Variants in DNAH5 observed in about 807,000 individuals in gnomAD.
DNAH5 encodes axonemal beta dynein heavy chain 5.
DNAH5 carries 372 observed loss-of-function variants against 518.2 expected under a neutral mutation model. The ratio of observed to expected loss-of-function variants is 0.72; its 90% CI spans 0.66 to 0.78. The LOEUF (loss-of-function observed/expected upper bound fraction) is 0.78, where lower values mean the gene tolerates loss of function less well. Ranked by LOEUF, DNAH5 falls within the 30% of genes least tolerant of loss-of-function variation. The probability of loss-of-function intolerance (pLI) is 0.00; values close to 1 mark genes in which losing one functional copy is unlikely to be tolerated. For missense variants in DNAH5, 5,523 were observed against 5,687.0 expected, an observed-to-expected ratio of 0.97 and a Z score of 0.93; for synonymous variants, 2,039 against 2,025.9, an observed-to-expected ratio of 1.01 and a Z score of -0.17.
At chr5:13,743,569 C>A (rs1748911788) in intron 65 of DNAH5, among the ~76,000 whole-genome samples, 1 of 151,818 alleles carries the variant, frequency 6.6e-6, no homozygotes, top group Non-Finnish European at 1.5e-5. Flanking sequence ...AACTATTTAT[C>A]TAAGAGGGGA....
In DNAH5 at chr5:13,901,390, C is replaced by T. The variant is rs2151962998; in HGVS notation, c.1914G>A (p.Gln638=). 1 of 1,614,130 alleles carries T rather than the reference C, an allele frequency of 6.2e-7. No homozygotes were observed. Among genetic ancestry groups the T allele is most frequent in the Non-Finnish European group, 8.5e-7 (1 of 1,180,020 alleles). Residue 638 remains glutamine (Q), a synonymous_variant, in exon 14 of 79, where the codon CAG becomes CAA. Coordinates refer to ENST00000265104, the MANE Select transcript of DNAH5 (RefSeq NM_001369.3). ...GCTGCTGGAAAAGCTGCATGGGCTG[C>T]TGAATCCTATGGAAGAGCTGGCGGG... ...LWARQLFHRI[Q]QPMQLFQQHP... is the part of the protein sequence containing the mutation.
chr5:13,960,295 G>C (rs1256457735), intron 1 of DNAH5, among the ~76,000 whole-genome samples: 1 of 152,204 alleles, frequency 6.6e-6, no homozygotes, highest in Non-Finnish European at 1.5e-5. Context: ...GAGGTGCACA[G>C]ATGAGTGAAC....
chr5:13,973,376 A>G (rs1782011942), intron 1 of DNAH5, among the ~76,000 whole-genome samples: 3 of 152,226 alleles, frequency 2.0e-5, no homozygotes, highest in South Asian at 2.1e-4. Flanking sequence ...TAGGTCACCA[A>G]GTTTCTTACA....
At chr5:13,732,380 T>G (rs1363675624) in intron 68 of DNAH5, among the ~76,000 whole-genome samples, 1 of 152,048 alleles carries the variant, frequency 6.6e-6, no homozygotes, top group African/African-American at 2.4e-5. Context: ...AGCCCCTTTT[T>G]TTGTGAGAGG....
Position 13,882,945 on chromosome 5 carries a change from G to A in DNAH5, c.3133C>T (p.Pro1045Ser), listed in dbSNP as rs1161427628. ...NKAVECIISV[P>S]KGVRQWSSEL... ...CTGCTCCACTGTCTGACCCCCTTAG[G>A]GACACTGATGATGCACTCCACGGCT... Residue 1045 changes from proline to serine, a missense_variant, in exon 20 of 79, where the codon CCT (proline) becomes TCT (serine). Coordinates refer to ENST00000265104, the MANE Select transcript of DNAH5 (RefSeq NM_001369.3). The A allele has an allele frequency of 1.9e-6, 3 of 1,613,974 alleles. No homozygotes were observed. The African/African-American group carries it at 4.0e-5, about 22-fold the overall frequency.
chr5:13,828,320 A>G (rs993703751), intron 38 of DNAH5, among the ~76,000 whole-genome samples: 4 of 152,218 alleles, frequency 2.6e-5, no homozygotes, highest in Non-Finnish European at 5.9e-5. Flanking sequence ...TGGAACAAAG[A>G]TTATATATGT....
intron 1 of DNAH5, among the ~76,000 whole-genome samples, chr5:14,006,652 G>T (rs999413038): frequency 6.6e-6 from 1 of 152,176 alleles, no homozygotes; most frequent in Non-Finnish European, 1.5e-5. Context: ...AGGTACTGGG[G>T]ATTTAGGAAT....
At chr5:13,926,885 T>G (rs1193003948) in intron 3 of DNAH5, among the ~76,000 whole-genome samples, 2 of 152,232 alleles carry the variant, frequency 1.3e-5, no homozygotes, top group African/African-American at 4.8e-5. Flanking sequence ...CTTCTATCTC[T>G]TGATTTTTCA....
chr5:14,008,966 C>A (rs1238857074), intron 1 of DNAH5, among the ~76,000 whole-genome samples: 1 of 152,200 alleles, frequency 6.6e-6, no homozygotes, highest in African/African-American at 2.4e-5. Flanking sequence ...AAGGACAGGA[C>A]AAACTGATCC....
chr5:13,740,669 A>T lies in DNAH5; in HGVS notation c.11212-3174T>A, dbSNP rs1202409174. ...CTTTGAGACTCACTGTCTTAAACAC[A>T]CAAGGAACTCTCTTGCCTCAGGGCC... On this transcript the variant is annotated intron_variant, in intron 65 of 78. Coordinates refer to ENST00000265104, the MANE Select transcript of DNAH5 (RefSeq NM_001369.3). Among the ~76,000 whole-genome samples, 7 of 152,166 alleles carry T rather than the reference A, an allele frequency of 4.6e-5. No individual in the cohort carries two copies. In the East Asian group the frequency reaches 1.3e-3, roughly 29 times the overall value.
intron 1 of DNAH5, among the ~76,000 whole-genome samples, chr5:13,938,359 C>A (rs965544485): frequency 3.9e-4 from 60 of 152,190 alleles, no homozygotes; most frequent in African/African-American, 1.4e-3. Flanking sequence ...CACCTCACAT[C>A]CACACATGAA....
intron 65 of DNAH5, among the ~76,000 whole-genome samples, chr5:13,737,731 C>G (rs113604580): frequency 6.6e-6 from 1 of 152,038 alleles, no homozygotes; most frequent in African/African-American, 2.4e-5. Flanking sequence ...TCGAGACTAG[C>G]CTGGTCAACA....
chr5:13,865,869 T>C lies in DNAH5; in HGVS notation c.4154A>G (p.Tyr1385Cys). Residue 1385 changes from tyrosine (Y) to cysteine (C), a missense_variant, in exon 27 of 79, where the codon TAT (tyrosine) becomes TGT (cysteine). By Grantham distance (194) the Tyr-to-Cys change is radical (BLOSUM62 -2). This residue lies in a region of DNAH5 where 5,121 missense variants were observed against 5,223.3 expected (regional missense o/e 0.98). Coordinates refer to ENST00000265104, the MANE Select transcript of DNAH5 (RefSeq NM_001369.3). Reference protein sequence around the residue: ...FDNIYRKYITYTGGEELFGLP... With the variant: ...FDNIYRKYITCTGGEELFGLP... Reference sequence around the variant, plus strand: ...GCCAAAAAGCTCCTCTCCTCCAGTATATGTGATGTATTTCCGATAGATATT... The same window carrying C: ...GCCAAAAAGCTCCTCTCCTCCAGTACATGTGATGTATTTCCGATAGATATT... The C allele has an allele frequency of 6.2e-7, 1 of 1,611,672 alleles. No individual in the cohort carries two copies. Among genetic ancestry groups the C allele is most frequent in the East Asian group, 2.2e-5 (1 of 44,862 alleles).
chr5:13,944,246 A>C, intron 1 of DNAH5, 136 bp downstream of exon 1: 1 of 863,910 alleles, frequency 1.2e-6, no homozygotes. Flanking sequence ...CCAGGTGAAC[A>C]TTAGTTAAAA....
chr5:13,691,031 CATTT>C lies in DNAH5; in HGVS notation c.*949_*952del, dbSNP rs1233695966. ...CTTTCACTTAACAGTCTGGGTCTAC[CATTT>C]CATATTATGGAATCTTCAAAATTGT... is the stretch of plus-strand genomic sequence containing the variant. On this transcript the variant is annotated 3_prime_UTR_variant, in exon 79 of 79. Transcript: ENST00000265104. 5.3e-5 allele frequency: 8 copies of C among 152,132 alleles called. No homozygotes were observed. The highest frequency in any genetic ancestry group is 1.0e-4 in the Non-Finnish European group (7 of 68,012). 9.4% of individuals were successfully genotyped at this position (152,132 alleles called of 1,614,324 possible). A position where few individuals can be genotyped will look rare whatever the true frequency, so the allele number is the denominator to read the frequency against.
chr5:13,931,129 G>T lies in DNAH5; in HGVS notation c.173C>A (p.Ala58Asp), dbSNP rs139252148. Residue 58 changes from alanine to aspartate, a missense_variant, in exon 2 of 79, where the codon GCC (alanine) becomes GAC (aspartate). Physicochemically the swap from Ala to Asp is moderately radical, Grantham distance 126 (BLOSUM62 -2). Coordinates refer to ENST00000265104, the MANE Select transcript of DNAH5 (RefSeq NM_001369.3). ...TCCCACCTGATTCCCTTCAAGAATGGCATCCTCCACTTCGGTTTTGTTCAG... is the reference window on the plus strand; with the variant it reads ...TCCCACCTGATTCCCTTCAAGAATGTCATCCTCCACTTCGGTTTTGTTCAG... ...LDLNKTEVED[A>D]ILEGNQIERI... 5 of 1,613,950 alleles carry T rather than the reference G, an allele frequency of 3.1e-6. No homozygotes were observed. In the African/African-American group the frequency reaches 5.3e-5, roughly 17 times the overall value.
At chr5:13,815,290 T>C (rs138506072) in intron 42 of DNAH5, among the ~76,000 whole-genome samples, 1 of 152,214 alleles carries the variant, frequency 6.6e-6, no homozygotes, top group Non-Finnish European at 1.5e-5. Flanking sequence ...AGGAAGAGAA[T>C]GAAGTGATGT....
intron 16 of DNAH5, among the ~76,000 whole-genome samples, chr5:13,892,815 G>C (rs535358539): frequency 6.6e-6 from 1 of 152,196 alleles, no homozygotes; most frequent in African/African-American, 2.4e-5. Flanking sequence ...TATTTCCTGG[G>C]GAGGCGTATT....
chr5:13,849,532 A>G (rs1183674881), intron 31 of DNAH5, among the ~76,000 whole-genome samples: 2 of 152,308 alleles, frequency 1.3e-5, no homozygotes, highest in East Asian at 3.9e-4. Context: ...TTATTCTATG[A>G]ATCCTATGAA....
Sources: allele counts gnomAD v4.1 joint callset (sites outside exome capture counted in the v4.1 genomes callset), GRCh38; gene constraint gnomAD v4.1.1; regional missense constraint gnomAD v4.1.1; transcripts MANE v1.5; gene names NCBI Gene and HGNC (gene_info 2026-07-23, HGNC 2026-07-21).